WDR37: variants seen among roughly 807,000 people sequenced by gnomAD.
WDR37 encodes WD repeat domain 37.
Under a neutral mutation model 62.9 loss-of-function variants are expected in WDR37, and 19 were observed. The observed-to-expected ratio is 0.30, with a 90% CI of 0.21 to 0.44. WDR37 has a LOEUF of 0.44. Ranked by LOEUF, WDR37 falls within the 20% of genes least tolerant of loss-of-function variation. WDR37 has a pLI of 1.00. For missense variants in WDR37, 474 were observed against 657.6 expected (o/e 0.72, Z 3.05); for synonymous variants, 250 against 260.9 (o/e 0.96, Z 0.40).
At chr10:1,120,509 A>G (rs915351298) in intron 11 of WDR37, among the ~76,000 whole-genome samples, 36 of 152,228 alleles carry the variant, frequency 2.4e-4, no homozygotes, top group Admixed American at 4.6e-4. Context: ...AACAGTTGAC[A>G]TGCCAAAGTA....
intron 1 of WDR37, among the ~76,000 whole-genome samples, chr10:1,071,389 A>G (rs566604826): frequency 6.6e-6 from 1 of 152,316 alleles, no homozygotes; most frequent in African/African-American, 2.4e-5. Flanking sequence ...AAGAAAGAAG[A>G]TATGTGTGTA....
At chr10:1,074,971 G>C (rs1833830558) in intron 2 of WDR37, among the ~76,000 whole-genome samples, 1 of 152,274 alleles carries the variant, frequency 6.6e-6, no homozygotes, top group Non-Finnish European at 1.5e-5. Context: ...GCTTTCAGGT[G>C]TGTGTTGGTG....
At chr10:1,081,770 T>C (rs1834037902) in intron 5 of WDR37, among the ~76,000 whole-genome samples, 1 of 152,232 alleles carries the variant, frequency 6.6e-6, no homozygotes, top group Admixed American at 6.5e-5. Flanking sequence ...ATTTAATTTC[T>C]TTTTACATTA....
intron 11 of WDR37, among the ~76,000 whole-genome samples, chr10:1,110,952 C>A (rs904456099): frequency 6.6e-6 from 1 of 152,222 alleles, no homozygotes; most frequent in Non-Finnish European, 1.5e-5. Context: ...CAGGGTGATC[C>A]TGAGTTCTTT....
intron 1 of WDR37, among the ~76,000 whole-genome samples, chr10:1,065,587 TA>T (rs914568513): frequency 1.1e-3 from 148 of 140,452 alleles, no homozygotes; most frequent in Admixed American, 1.3e-3. Context: ...TGTCAGTAGG[TA>T]AAAAAAAAAA....
intron 11 of WDR37, among the ~76,000 whole-genome samples, chr10:1,116,376 G>C (rs1835400636): frequency 6.6e-6 from 1 of 151,928 alleles, no homozygotes; most frequent in South Asian, 2.1e-4. Flanking sequence ...CCTCACCCTG[G>C]GTCTCCACCC....
In WDR37 at chr10:1,121,798, G is replaced by A. The variant is rs1470502276; in HGVS notation, c.1104-2420G>A. On this transcript the variant is annotated intron_variant, in intron 11 of 13. Transcript: ENST00000263150. This position sits in a 1 kb window ranked among gnomAD's most constrained non-coding sequence, Gnocchi z 4.5. ...GGAATAAGTGTCAGCAATCCACACC[G>A]CAGCTGTGGGCACCACGACCAGGCC... 2.0e-5 allele frequency among the ~76,000 whole-genome samples: 3 copies of A among 152,046 alleles called. No homozygotes were observed. The highest frequency in any genetic ancestry group is 6.6e-5 in the Admixed American group (1 of 15,240).
At position 1,131,570 on chromosome 10, in the gene WDR37, G is replaced by T. The variant is rs1835947215; in HGVS notation, c.*2226G>T. 1 of 152,274 alleles carries T rather than the reference G, an allele frequency of 6.6e-6. No homozygotes were observed. The highest frequency in any genetic ancestry group is 2.1e-4 in the South Asian group (1 of 4,840). 9.4% of individuals were successfully genotyped at this position (152,274 alleles called of 1,614,324 possible). ...GGCGCAGCCCTGTGGTGCTCAGGCA[G>T]AGCTCTCAGGAGCCGGGGCACCTTG... is the stretch of plus-strand genomic sequence containing the variant. On this transcript the variant is annotated 3_prime_UTR_variant, in exon 14 of 14. Transcript: ENST00000263150.
chr10:1,070,373 A>C (rs948423307), intron 1 of WDR37, among the ~76,000 whole-genome samples: 9 of 152,208 alleles, frequency 5.9e-5, no homozygotes, highest in African/African-American at 1.7e-4. Context: ...GGCTTTTAAA[A>C]AAGTTTTAAT....
At position 1,056,581 on chromosome 10, in the gene WDR37, C is replaced by T. The variant is rs1833171288; in HGVS notation, c.-428C>T. The stretch of plus-strand genomic sequence containing the variant: ...GCCCCGCCGGTGAGTAGCTACGACC[C>T]CCGAGGCCACCTCCCGCGAACCGCT... On this transcript the variant is annotated 5_prime_UTR_variant, in exon 1 of 14. Coordinates refer to ENST00000263150, the MANE Select transcript of WDR37 (RefSeq NM_014023.4). 1 of 152,136 alleles carries T rather than the reference C, an allele frequency of 6.6e-6. No individual in the cohort carries two copies. Among genetic ancestry groups the T allele is most frequent in the African/African-American group, 2.4e-5 (1 of 41,402 alleles). 9.4% of individuals were successfully genotyped at this position (152,136 alleles called of 1,614,324 possible).
Position 1,103,927 on chromosome 10 carries a change from C to T in WDR37, c.961+91C>T, listed in dbSNP as rs1834904834. ...TCTGACCTTGCCACTTACTTCTTGA[C>T]CAGAATGAGTCTCTGTGTTCTTGGC... On this transcript the variant is annotated intron_variant, in intron 10 of 13. Coordinates refer to ENST00000263150, the MANE Select transcript of WDR37 (RefSeq NM_014023.4). This position sits in a 1 kb window ranked among gnomAD's most constrained non-coding sequence, Gnocchi z 6.3. The T allele has an allele frequency of 7.8e-7, 1 of 1,274,962 alleles. No individual in the cohort carries two copies. The highest frequency in any genetic ancestry group is 1.1e-6 in the Non-Finnish European group (1 of 907,006). The allele number at this position is 1,274,962 out of a possible 1,614,324, so 79.0% of individuals were successfully genotyped here.
At chr10:1,102,084 C>T (rs1336398600) in intron 9 of WDR37, among the ~76,000 whole-genome samples, 1 of 140,948 alleles carries the variant, frequency 7.1e-6, no homozygotes, top group African/African-American at 2.7e-5. Flanking sequence ...TGTTTCCGTG[C>T]TGCCGTGCGT....
At chr10:1,096,955 A>G (rs1834604066) in intron 9 of WDR37, among the ~76,000 whole-genome samples, 1 of 152,192 alleles carries the variant, frequency 6.6e-6, no homozygotes, top group South Asian at 2.1e-4. Context: ...GTGGATGTTG[A>G]AGGCCTTTCT....
Position 1,105,472 on chromosome 10 carries a change from G to A in WDR37, c.1103+205G>A, listed in dbSNP as rs1018546740. Among the ~76,000 whole-genome samples the A allele has an allele frequency of 1.6e-4, 25 of 152,152 alleles. No homozygotes were observed. Among genetic ancestry groups the A allele is most frequent in the Admixed American group, 6.5e-5 (1 of 15,270 alleles). The stretch of plus-strand genomic sequence containing the variant: ...CAAAGGATGTAGGAGATTAAGAGAA[G>A]GCACCCTCCGAAGTTCTCTCAAGAA... On this transcript the variant is annotated intron_variant, in intron 11 of 13. Transcript: ENST00000263150. This position sits in a 1 kb window ranked among gnomAD's most constrained non-coding sequence, Gnocchi z 5.3.
In WDR37 at chr10:1,077,984, T is replaced by C. The variant is rs1482640783; in HGVS notation, c.216T>C (p.Leu72=). ...AAATAGAAAGAGAATTTGAAAACCT[T>C]TATATCGAAAACTTAGAATGTGAGT... ...FGQIEREFEN[L]YIENLELRRE... The change falls in exon 3 of 14, where the codon CTT becomes CTC. Residue 72 remains leucine (L), a synonymous_variant. Transcript: ENST00000263150. 1 of 1,610,160 alleles carries C rather than the reference T, an allele frequency of 6.2e-7. No homozygotes were observed.
chr10:1,119,567 A>G (rs866931549), intron 11 of WDR37, among the ~76,000 whole-genome samples: 7 of 152,202 alleles, frequency 4.6e-5, no homozygotes, highest in African/African-American at 1.7e-4. Context: ...CATGGTAAAC[A>G]CAGATGTTGC....
chr10:1,062,412 A>T (rs1833402549), intron 1 of WDR37, among the ~76,000 whole-genome samples: 1 of 152,232 alleles, frequency 6.6e-6, no homozygotes, highest in African/African-American at 2.4e-5. Context: ...TTGGTAACGA[A>T]CTTGTAGAAT....
At chr10:1,079,487 G>A (rs1365706449) in intron 3 of WDR37, among the ~76,000 whole-genome samples, 1 of 149,504 alleles carries the variant, frequency 6.7e-6, no homozygotes, top group South Asian at 2.1e-4. Context: ...CCACAGTGTA[G>A]CAAGTGTGTG....
intron 5 of WDR37, among the ~76,000 whole-genome samples, chr10:1,083,901 T>C (rs1834110202): frequency 1.3e-5 from 2 of 152,192 alleles, no homozygotes; most frequent in South Asian, 2.1e-4. Context: ...CACCACAGGC[T>C]TTTTTTACAC....
Sources: gnomAD v4.1 joint callset for allele counts (sites outside exome capture counted in the v4.1 genomes callset) on GRCh38, gnomAD v4.1.1 for gene constraint, Gnocchi (gnomAD v3.1) non-coding constraint, MANE v1.5 for transcripts, NCBI Gene and HGNC (gene_info 2026-07-23, HGNC 2026-07-21) for gene names.